Variants in TGFBI observed in about 807,000 individuals in gnomAD.
TGFBI encodes transforming growth factor beta induced, also known as transforming growth factor-beta-induced protein ig-h3.
In TGFBI, 50 loss-of-function variants were observed where a neutral mutation model predicts 73.7. The observed-to-expected ratio is 0.68, with a 90% CI of 0.54 to 0.86. The LOEUF is 0.86. Ranked by LOEUF, TGFBI falls within the 40% of genes least tolerant of loss-of-function variation. TGFBI has a pLI of 0.00. For synonymous variants in TGFBI, 362 were observed against 360.5 expected (o/e 1.00, Z -0.05); for missense variants, 839 against 877.0 (o/e 0.96, Z 0.55).
chr5:136,039,450 C>G (rs1446428325), intron 2 of TGFBI, among the ~76,000 whole-genome samples: 1 of 152,140 alleles, frequency 6.6e-6, no homozygotes, highest in Non-Finnish European at 1.5e-5. Context: ...TAAACTGCCC[C>G]AGGTCTCTGT....
At chr5:136,054,682 T>C (rs1041757209) in intron 9 of TGFBI, 34 bp from the exon 10 acceptor site, 3 of 1,613,746 alleles carry the variant, frequency 1.9e-6, no homozygotes, top group Non-Finnish European at 2.5e-6. Context: ...CAGGAGCACA[T>C]CTCTCTGGAC....
At chr5:136,054,275 T>C (rs182169647) in intron 9 of TGFBI, among the ~76,000 whole-genome samples, 195 bp downstream of exon 9, 2 of 152,344 alleles carry the variant, frequency 1.3e-5, no homozygotes, top group East Asian at 3.9e-4. Flanking sequence ...AGAGAATGCC[T>C]TTGGGGAGCC....
chr5:136,037,093 G>A (rs1163035729), intron 2 of TGFBI, among the ~76,000 whole-genome samples: 1 of 152,198 alleles, frequency 6.6e-6, no homozygotes, highest in Non-Finnish European at 1.5e-5. Flanking sequence ...GTGAAGCTCT[G>A]TTGCCTGCAC....
rs116027805 is a variant in TGFBI at position 136,038,487 on chromosome 5, C to T, written c.233+4626C>T. 7.8e-3 allele frequency among the ~76,000 whole-genome samples: 1,187 copies of T among 151,556 alleles called. 18 individuals carry two copies. The highest frequency in any genetic ancestry group is 0.027 in the African/African-American group (1,122 of 41,252). On this transcript the variant is annotated intron_variant, in intron 2 of 16. Coordinates refer to ENST00000442011, the MANE Select transcript of TGFBI (RefSeq NM_000358.3). ...ATCCCAGCACTTTGGGAGACTGAGG[C>T]GAGCGGGTCACGAGGACAGGAGTTG...
intron 13 of TGFBI, among the ~76,000 whole-genome samples, chr5:136,059,524 G>C (rs896016081): frequency 6.6e-6 from 1 of 152,116 alleles, no homozygotes; most frequent in Non-Finnish European, 1.5e-5. Context: ...TGTGACTGAA[G>C]AGATCAGTCT....
chr5:136,035,059 A>G (rs1297040525), intron 2 of TGFBI, among the ~76,000 whole-genome samples: 1 of 152,202 alleles, frequency 6.6e-6, no homozygotes, highest in Non-Finnish European at 1.5e-5. Context: ...GCAATTAGCA[A>G]TCCTAATATG....
At chr5:136,033,675 G>C in intron 1 of TGFBI, 88 bp from the exon 2 acceptor site, 2 of 1,057,240 alleles carry the variant, frequency 1.9e-6, no homozygotes, top group Non-Finnish European at 2.9e-6. Context: ...GAAAGTTCCA[G>C]TGACCCAAGG....
chr5:136,030,336 T>C (rs932430108), intron 1 of TGFBI, among the ~76,000 whole-genome samples: 10 of 152,200 alleles, frequency 6.6e-5, no homozygotes, highest in Non-Finnish European at 1.3e-4. Context: ...CTCCTTGCAC[T>C]AGGAGTGCTC....
At chr5:136,052,844 A>C (rs1158699850) in intron 7 of TGFBI, 63 bp from the exon 8 acceptor site, 4 of 1,507,060 alleles carry the variant, frequency 2.7e-6, no homozygotes, top group East Asian at 2.3e-5. Context: ...GGCAGGCTGC[A>C]AGTGGTCCCT....
At chr5:136,038,301 C>A (rs1252818527) in intron 2 of TGFBI, among the ~76,000 whole-genome samples, 1 of 152,202 alleles carries the variant, frequency 6.6e-6, no homozygotes, top group Admixed American at 6.5e-5. Context: ...ATCTCTAATT[C>A]TGTAAATATA....
At chr5:136,058,216 G>C (rs1751685240) in intron 12 of TGFBI, among the ~76,000 whole-genome samples, 1 of 152,164 alleles carries the variant, frequency 6.6e-6, no homozygotes. Context: ...TCCTCTGGCA[G>C]GCATGTGGAT....
At chr5:136,049,097 T>A (rs533925632) in intron 6 of TGFBI, 17 of 232,148 alleles carry the variant, frequency 7.3e-5, no homozygotes, top group African/African-American at 3.8e-4. Context: ...GTGTGCCAAG[T>A]TGACCTCCCA....
intron 2 of TGFBI, among the ~76,000 whole-genome samples, chr5:136,040,687 A>C (rs1751314995): frequency 6.6e-6 from 1 of 152,250 alleles, no homozygotes. Context: ...GCTGAGGAGA[A>C]GCCTGAAGCC....
At position 136,029,003 on chromosome 5, in the gene TGFBI, C is replaced by A. The variant is rs1751053741; in HGVS notation, c.-53C>A. On this transcript the variant is annotated 5_prime_UTR_variant, in exon 1 of 17. Transcript: ENST00000442011. The stretch of plus-strand genomic sequence containing the variant: ...CGGAGGCGCTCTCACTTCCCTGGAG[C>A]CGCCCGCTTGCCCGTCGGTCGCTAG... 6.0e-6 allele frequency: 9 copies of A among 1,505,204 alleles called. No homozygotes were observed. The South Asian group carries it at 9.9e-5, about 17-fold the overall frequency. The allele number at this position is 1,505,204 out of a possible 1,614,324, so 93.2% of individuals were successfully genotyped here.
rs748787871 is a variant in TGFBI, at chr5:136,033,809, T to C, written c.181T>C (p.Tyr61His). 2.5e-6 allele frequency: 4 copies of C among 1,613,964 alleles called. No homozygotes were observed. The South Asian group carries it at 4.4e-5, about 18-fold the overall frequency. ...VQKVIGTNRK[Y>H]FTNCKQWYQR... ...GAAGGTTATTGGCACTAATAGGAAG[T>C]ACTTCACCAACTGCAAGCAGTGGTA... Residue 61 changes from tyrosine (Y) to histidine (H), a missense_variant, in exon 2 of 17, where the codon TAC becomes CAC. Coordinates refer to ENST00000442011, the MANE Select transcript of TGFBI (RefSeq NM_000358.3).
chr5:136,061,675 G>T lies in TGFBI; in HGVS notation c.1986+96G>T, dbSNP rs139888616. ...TCTCCAGCCCCTGTCTTCCTTGGCTGCTCCCCAGGGCTCTCTTAAAACTTC... is the reference window on the plus strand; with the variant it reads ...TCTCCAGCCCCTGTCTTCCTTGGCTTCTCCCCAGGGCTCTCTTAAAACTTC... On this transcript the variant is annotated intron_variant, in intron 15 of 16. Coordinates refer to ENST00000442011, the MANE Select transcript of TGFBI (RefSeq NM_000358.3). 30 of 972,072 alleles carry T rather than the reference G, an allele frequency of 3.1e-5. No homozygotes were observed. In the African/African-American group the frequency reaches 3.5e-4, roughly 11 times the overall value. The allele number at this position is 972,072 out of a possible 1,614,324, so 60.2% of individuals were successfully genotyped here. A position where few individuals can be genotyped will look rare whatever the true frequency, so the allele number is the denominator to read the frequency against.
intron 2 of TGFBI, among the ~76,000 whole-genome samples, chr5:136,039,453 G>T (rs1397439209): frequency 1.3e-5 from 2 of 152,146 alleles, no homozygotes; most frequent in Non-Finnish European, 2.9e-5. Context: ...ACTGCCCCAG[G>T]TCTCTGTCTA....
Position 136,047,336 on chromosome 5 carries a change from G to A in TGFBI, c.687G>A (p.Val229=). The change falls in exon 6 of 17, where the codon GTG becomes GTA. Residue 229 remains valine (V), a synonymous_variant. Transcript: ENST00000442011. The stretch of plus-strand genomic sequence containing the variant: ...ACCACCATGCAACCAACGGGGTGGT[G>A]CACCTCATCGATAAGGTCATCTCCA... ...KADHHATNGV[V]HLIDKVISTI... is the part of the protein sequence containing the mutation. The A allele has an allele frequency of 6.2e-7, 1 of 1,613,814 alleles. No individual in the cohort carries two copies. Among genetic ancestry groups the A allele is most frequent in the Admixed American group, 1.7e-5 (1 of 60,026 alleles).
Position 136,063,342 on chromosome 5 carries a change from G to C in TGFBI, c.*116G>C, listed in dbSNP as rs1355922325. ...AAGTATCACACTTTAATGTACATGG[G>C]CCGCACCATAATGAGATGTGAGCCT... On this transcript the variant is annotated 3_prime_UTR_variant, in exon 17 of 17. Coordinates refer to ENST00000442011, the MANE Select transcript of TGFBI (RefSeq NM_000358.3). The C allele has an allele frequency of 1.1e-6, 1 of 917,210 alleles. No individual in the cohort carries two copies. Among genetic ancestry groups the C allele is most frequent in the Non-Finnish European group, 1.7e-6 (1 of 574,450 alleles). 56.8% of individuals were successfully genotyped at this position (917,210 alleles called of 1,614,324 possible). A position where few individuals can be genotyped will look rare whatever the true frequency, so the allele number is the denominator to read the frequency against.
Sources: gnomAD v4.1 joint callset for allele counts (sites outside exome capture counted in the v4.1 genomes callset) on GRCh38, gnomAD v4.1.1 for gene constraint, MANE v1.5 for transcripts, NCBI Gene and HGNC (gene_info 2026-07-23, HGNC 2026-07-21) for gene names.